Variants in PCDHGA1 observed in about 807,000 individuals in gnomAD.
PCDHGA1 encodes the protein protocadherin gamma-A1.
A neutral mutation model predicts 58.0 loss-of-function variants in PCDHGA1; 32 were observed. The ratio of observed to expected loss-of-function variants is 0.55; its 90% CI spans 0.42 to 0.74. PCDHGA1 has a LOEUF of 0.74. Ranked by LOEUF, PCDHGA1 falls within the 30% of genes least tolerant of loss-of-function variation. The pLI is 0.00. For synonymous variants in PCDHGA1, 498 were observed against 501.1 expected (o/e 0.99, Z 0.08); for missense variants, 1,205 against 1,182.3 (o/e 1.02, Z -0.28).
intron 1 of PCDHGA1, among the ~76,000 whole-genome samples, chr5:141,438,614 A>G (rs1208036297): frequency 5.8e-5 from 2 of 34,396 alleles, no homozygotes. Context: ...ATATATATAT[A>G]TATATATATA....
At chr5:141,366,922 C>T in intron 1 of PCDHGA1, 1 of 1,046,460 alleles carries the variant, frequency 9.6e-7, no homozygotes, top group Non-Finnish European at 1.3e-6. Context: ...TTTTCAAATT[C>T]TGTTTTGGGA....
chr5:141,390,665 TA>T, intron 1 of PCDHGA1: 1 of 192,900 alleles, frequency 5.2e-6, no homozygotes, highest in Non-Finnish European at 1.1e-5. Flanking sequence ...ACCATAAATA[TA>T]AAAATAATAA....
At chr5:141,410,619 C>G in intron 1 of PCDHGA1, 1 of 1,603,732 alleles carries the variant, frequency 6.2e-7, no homozygotes, top group Admixed American at 1.7e-5. Context: ...ACTCTGACTT[C>G]GGTGAGTTTC....
intron 1 of PCDHGA1, chr5:141,384,537 G>A: frequency 1.2e-6 from 2 of 1,614,248 alleles, no homozygotes; most frequent in Non-Finnish European, 1.7e-6. Flanking sequence ...GCAGCAACAT[G>A]TCACTGAGCC....
In PCDHGA1 at chr5:141,490,378, G is replaced by A; in HGVS notation, c.2422-4429G>A. On this transcript the variant is annotated intron_variant, in intron 1 of 3. Transcript: ENST00000517417. The surrounding 1 kb of genome is among the most constrained non-coding windows in gnomAD (Gnocchi z 5.4). The stretch of plus-strand genomic sequence containing the variant: ...GTTTAATGTGCGAGACCGGGACTCA[G>A]GTAGAAATGGTGAAGTGAGCCTTGA... 1 of 1,614,214 alleles carries A rather than the reference G, an allele frequency of 6.2e-7. No homozygotes were observed. The highest frequency in any genetic ancestry group is 1.1e-5 in the South Asian group (1 of 91,086).
intron 1 of PCDHGA1, among the ~76,000 whole-genome samples, chr5:141,349,183 C>T (rs2149751836): frequency 6.6e-6 from 1 of 152,242 alleles, no homozygotes; most frequent in Non-Finnish European, 1.5e-5. Flanking sequence ...GATTCTGCTG[C>T]CTCAACCTCC....
intron 1 of PCDHGA1, chr5:141,371,485 C>G: frequency 6.2e-7 from 1 of 1,613,980 alleles, no homozygotes; most frequent in South Asian, 1.1e-5. Context: ...GAGCTGGGGA[C>G]TGCCGTTGCC....
At chr5:141,439,741 A>C (rs1303886454) in intron 1 of PCDHGA1, 1 of 152,352 alleles carries the variant, frequency 6.6e-6, no homozygotes, top group African/African-American at 2.4e-5. Flanking sequence ...AACGGAACGG[A>C]TTTACAGGCA....
intron 1 of PCDHGA1, chr5:141,389,767 G>T: frequency 1.2e-6 from 2 of 1,613,028 alleles, no homozygotes; most frequent in Non-Finnish European, 1.7e-6. Context: ...CGCACAGCGC[G>T]TGCCTTAGGC....
At chr5:141,345,388 T>C in intron 1 of PCDHGA1, 1 of 1,613,834 alleles carries the variant, frequency 6.2e-7, no homozygotes, top group South Asian at 1.1e-5. Context: ...CCACCCACCT[T>C]CCCTCATTTA....
rs189408749 is a variant in PCDHGA1 at position 141,383,405 on chromosome 5, G to T, written c.2421+50300G>T. On this transcript the variant is annotated intron_variant, in intron 1 of 3. Transcript: ENST00000517417. ...GATGTGGGCACGAACTCCCTCCAGAGTTACCAGCTCAGCCCCAATCGCCAC... is the reference window on the plus strand; with the variant it reads ...GATGTGGGCACGAACTCCCTCCAGATTTACCAGCTCAGCCCCAATCGCCAC... The T allele has an allele frequency of 1.2e-4, 200 of 1,613,898 alleles. No individual in the cohort carries two copies. Among genetic ancestry groups the T allele is most frequent in the South Asian group, 4.4e-5 (4 of 91,084 alleles).
intron 1 of PCDHGA1, chr5:141,415,762 T>TGTTTG: frequency 7.1e-7 from 1 of 1,399,990 alleles, no homozygotes; most frequent in Non-Finnish European, 9.3e-7. Flanking sequence ...TTTTTTTTTT[T>TGTTTG]TTTTTTTTTT....
rs768985461 is a variant in PCDHGA1, at chr5:141,403,714, C to T, written c.2421+70609C>T. ...TTTACCGAGTTAAAGTCCTTGAGAA[C>T]GTGCCCCCAGGCACCTGGCTGCTTA... On this transcript the variant is annotated intron_variant, in intron 1 of 3. Transcript: ENST00000517417. 10 of 1,613,792 alleles carry T rather than the reference C, an allele frequency of 6.2e-6. No homozygotes were observed. In the South Asian group the frequency reaches 6.6e-5, roughly 11 times the overall value.
At chr5:141,378,325 C>G (rs1344220335) in intron 1 of PCDHGA1, 1 of 152,200 alleles carries the variant, frequency 6.6e-6, no homozygotes, top group Non-Finnish European at 1.5e-5. Context: ...GAGTTCGAGA[C>G]CAGCCTGACC....
Position 141,477,388 on chromosome 5 carries a change from C to T in PCDHGA1, c.2422-17419C>T. The T allele has an allele frequency of 6.2e-7, 1 of 1,614,136 alleles. No homozygotes were observed. The highest frequency in any genetic ancestry group is 8.5e-7 in the Non-Finnish European group (1 of 1,180,014). On this transcript the variant is annotated intron_variant, in intron 1 of 3. Transcript: ENST00000517417. The surrounding 1 kb of genome is among the most constrained non-coding windows in gnomAD (Gnocchi z 4.9). Reference sequence around the variant, plus strand: ...ATCGGGAGACTGTGCCAGAATACAACCTCAGCATCACCGCCCGAGACGCCG... The same window carrying T: ...ATCGGGAGACTGTGCCAGAATACAATCTCAGCATCACCGCCCGAGACGCCG...
At chr5:141,398,632 A>G (rs1589336934) in intron 1 of PCDHGA1, 7 of 1,613,946 alleles carry the variant, frequency 4.3e-6, no homozygotes, top group Non-Finnish European at 5.1e-6. Context: ...CTCTCTGCAG[A>G]AGTATAAACT....
chr5:141,491,131 G>A lies in PCDHGA1; in HGVS notation c.2422-3676G>A. 1 of 1,614,182 alleles carries A rather than the reference G, an allele frequency of 6.2e-7. No individual in the cohort carries two copies. Among genetic ancestry groups the A allele is most frequent in the Non-Finnish European group, 8.5e-7 (1 of 1,180,008 alleles). ...TACACACACTGGTGAGGTGCGCACA[G>A]CCCGGGCCTTACTGGAGGATGACTC... On this transcript the variant is annotated intron_variant, in intron 1 of 3. Coordinates refer to ENST00000517417, the MANE Select transcript of PCDHGA1 (RefSeq NM_018912.3). This position sits in a 1 kb window ranked among gnomAD's most constrained non-coding sequence, Gnocchi z 6.9.
intron 1 of PCDHGA1, among the ~76,000 whole-genome samples, chr5:141,474,763 A>G (rs2099354251): frequency 6.6e-6 from 1 of 152,254 alleles, no homozygotes; most frequent in Non-Finnish European, 1.5e-5. Flanking sequence ...ATATACAGAA[A>G]TAGTATGAGG....
At chr5:141,370,997 C>G in intron 1 of PCDHGA1, 5 of 1,613,984 alleles carry the variant, frequency 3.1e-6, no homozygotes, top group Non-Finnish European at 4.2e-6. Context: ...CACCCCTGGA[C>G]AGGGAAGAGC....
Sources: allele counts gnomAD v4.1 joint callset (sites outside exome capture counted in the v4.1 genomes callset), GRCh38; gene constraint gnomAD v4.1.1; non-coding constraint Gnocchi (gnomAD v3.1); transcripts MANE v1.5; gene names NCBI Gene and HGNC (gene_info 2026-07-23, HGNC 2026-07-21).